Variants in COL2A1 observed in about 807,000 individuals in gnomAD.
The protein encoded by COL2A1 is collagen alpha-1(II) chain.
Under a neutral mutation model 204.5 loss-of-function variants are expected in COL2A1, and 28 were observed. The ratio of observed to expected loss-of-function variants is 0.14; its 90% CI spans 0.10 to 0.19. COL2A1 has a LOEUF of 0.19. Ranked by LOEUF, COL2A1 falls within the 10% of genes least tolerant of loss-of-function variation. COL2A1 has a pLI of 1.00. For missense variants in COL2A1, 1,388 were observed against 2,027.5 expected (o/e 0.68, Z 6.06); for synonymous variants, 708 against 718.7 (o/e 0.99, Z 0.24).
Position 47,995,931 on chromosome 12 carries a change from C to T in COL2A1, c.610-12G>A, listed in dbSNP as rs1939939730. 1 of 1,611,760 alleles carries T rather than the reference C, an allele frequency of 6.2e-7. No homozygotes were observed. The highest frequency in any genetic ancestry group is 1.7e-5 in the Admixed American group (1 of 59,992). On this transcript the variant is annotated splice_polypyrimidine_tract_variant and intron_variant, in intron 8 of 53. Coordinates refer to ENST00000380518, the MANE Select transcript of COL2A1 (RefSeq NM_001844.5). ...GGTCCCATGGGGCCCTGCATCGGAA[C>T]AGAAAATGAGGGGTTTACTACACAT...
At position 47,980,191 on chromosome 12, in the gene COL2A1, TGAAG is replaced by T; in HGVS notation, c.2626-133_2626-130del. 1 of 827,270 alleles carries T rather than the reference TGAAG, an allele frequency of 1.2e-6. No homozygotes were observed. The highest frequency in any genetic ancestry group is 2.0e-6 in the Non-Finnish European group (1 of 495,664). The allele number at this position is 827,270 out of a possible 1,614,324, so 51.2% of individuals were successfully genotyped here. A position where few individuals can be genotyped will look rare whatever the true frequency, so the allele number is the denominator to read the frequency against. On this transcript the variant is annotated intron_variant, in intron 39 of 53. Coordinates refer to ENST00000380518, the MANE Select transcript of COL2A1 (RefSeq NM_001844.5). This position sits in a 1 kb window ranked among gnomAD's most constrained non-coding sequence, Gnocchi z 4.5. ...CTTTCTTGGCACTAAAAACCCAGCC[TGAAG>T]AGGCTGCCACAGGCAGCTCTGTCCC...
intron 2 of COL2A1, 199 bp downstream of exon 2, chr12:47,999,720 G>C: frequency 1.9e-6 from 1 of 520,862 alleles, no homozygotes; most frequent in South Asian, 2.2e-5. Context: ...GGCAAAGAAG[G>C]ACCCCTCTAG....
intron 36 of COL2A1, 93 bp downstream of exon 36, chr12:47,981,683 G>T: frequency 1.5e-6 from 2 of 1,367,810 alleles, no homozygotes; most frequent in Non-Finnish European, 2.0e-6. Flanking sequence ...TGACAGTGGT[G>T]AGGGAGGACA....
At chr12:47,993,027 G>A in intron 15 of COL2A1, 96 bp from the exon 16 acceptor site, 1 of 1,172,604 alleles carries the variant, frequency 8.5e-7, no homozygotes, top group South Asian at 1.3e-5. Flanking sequence ...TACCAGAGGA[G>A]AGGGAGGATG....
At position 47,973,456 on chromosome 12, in the gene COL2A1, C is replaced by T. The variant is rs773418634; in HGVS notation, c.4415G>A (p.Gly1472Glu). The part of the protein sequence containing the change: ...IIDIAPMDIG[G>E]PEQEFGVDIG... The stretch of plus-strand genomic sequence containing the variant: ...GTCCACACCGAATTCCTGCTCGGGC[C>T]CTCCTATGTCCATGGGTGCAATGTC... Residue 1472 changes from glycine to glutamate, a missense_variant, in exon 54 of 54, where the codon GGG becomes GAG. Physicochemically the swap from Gly to Glu is moderately conservative, Grantham distance 98 (BLOSUM62 -2). Around this residue, in one of 3 missense-constraint regions of COL2A1, gnomAD observed 303 missense variants for 369.2 expected, o/e 0.82. Coordinates refer to ENST00000380518, the MANE Select transcript of COL2A1 (RefSeq NM_001844.5). 23 of 1,614,100 alleles carry T rather than the reference C, an allele frequency of 1.4e-5. No individual in the cohort carries two copies. The highest frequency in any genetic ancestry group is 1.9e-5 in the Non-Finnish European group (22 of 1,180,022).
At chr12:47,988,669 A>C (rs1458641349) in intron 18 of COL2A1, among the ~76,000 whole-genome samples, 1 of 152,194 alleles carries the variant, frequency 6.6e-6, no homozygotes, top group Non-Finnish European at 1.5e-5. Context: ...GGACGTTCAC[A>C]CTGGAATCCT....
intron 36 of COL2A1, 58 bp downstream of exon 36, chr12:47,981,718 A>G (rs1024927308): frequency 6.6e-7 from 1 of 1,513,058 alleles, no homozygotes; most frequent in African/African-American, 1.4e-5. Context: ...TTGGCAGGAG[A>G]TAAGAAGGAG....
chr12:48,001,314 T>C (rs1162099294), intron 1 of COL2A1, among the ~76,000 whole-genome samples: 1 of 152,238 alleles, frequency 6.6e-6, no homozygotes, highest in Admixed American at 6.5e-5. Context: ...AATCCAAAGA[T>C]AAACTTTCCT....
chr12:47,981,518 C>A, intron 36 of COL2A1, 122 bp from the exon 37 acceptor site: 1 of 963,070 alleles, frequency 1.0e-6, no homozygotes, highest in Non-Finnish European at 1.6e-6. Context: ...CCTGGCACAG[C>A]CTGTGTTACT....
Position 47,985,830 on chromosome 12 carries a change from C to A in COL2A1, c.1582-4G>T. 6.2e-7 allele frequency: 1 copy of A among 1,606,436 alleles called. No individual in the cohort carries two copies. Among genetic ancestry groups the A allele is most frequent in the Non-Finnish European group, 8.5e-7 (1 of 1,176,180 alleles). ...GCCCTCGCTCTCCAGGGGCTCCCTA[C>A]AAGGGTACACAGGGAGTCAGTGGGA... On this transcript the variant is annotated splice_polypyrimidine_tract_variant and splice_region_variant and intron_variant, in intron 24 of 53. Transcript: ENST00000380518.
intron 1 of COL2A1, 117 bp downstream of exon 1, chr12:48,004,120 C>A: frequency 2.6e-6 from 2 of 765,120 alleles, no homozygotes; most frequent in Non-Finnish European, 4.6e-6. Flanking sequence ...CGCGCTACGA[C>A]CCCGGGAGCC....
At position 47,983,058 on chromosome 12, in the gene COL2A1, A is replaced by T. The variant is rs41263853; in HGVS notation, c.2094+35T>A. On this transcript the variant is annotated intron_variant, in intron 32 of 53. Transcript: ENST00000380518. Reference sequence around the variant, plus strand: ...GAGCATAGGACCCAGGGCAGGCCCAAGGAGGCAGCCCGCATTGGCCAACAG... The same window carrying T: ...GAGCATAGGACCCAGGGCAGGCCCATGGAGGCAGCCCGCATTGGCCAACAG... 1.2e-5 allele frequency: 20 copies of T among 1,612,418 alleles called. No homozygotes were observed. The African/African-American group carries it at 2.7e-4, about 22-fold the overall frequency.
In COL2A1 at chr12:47,981,686, G is replaced by A. The variant is rs539892911; in HGVS notation, c.2409+90C>T. ...CTTGGCCGAGGGTGACAGTGGTGAG[G>A]GAGGACAAGACAGAACCGCCTTTGG... On this transcript the variant is annotated intron_variant, in intron 36 of 53. Coordinates refer to ENST00000380518, the MANE Select transcript of COL2A1 (RefSeq NM_001844.5). The A allele has an allele frequency of 5.0e-6, 7 of 1,386,570 alleles. No individual in the cohort carries two copies. The East Asian group carries it at 1.7e-4, about 35-fold the overall frequency. The allele number at this position is 1,386,570 out of a possible 1,614,324, so 85.9% of individuals were successfully genotyped here.
intron 23 of COL2A1, 80 bp from the exon 24 acceptor site, chr12:47,986,045 C>T (rs1199923441): frequency 1.4e-5 from 19 of 1,312,578 alleles, no homozygotes; most frequent in East Asian, 2.5e-5. Flanking sequence ...ATCCCACTAA[C>T]CCACCAACCC....
rs41263867 is a variant in COL2A1, at chr12:47,980,752, G to C, written c.2518-91C>G. On this transcript the variant is annotated intron_variant, in intron 38 of 53. Coordinates refer to ENST00000380518, the MANE Select transcript of COL2A1 (RefSeq NM_001844.5). The surrounding 1 kb of genome is among the most constrained non-coding windows in gnomAD (Gnocchi z 4.5). ...AGCAGGAGACTCTGTGAGTATCTGC[G>C]TGTGTGTCCTGGTCTGGACATGATG... The C allele has an allele frequency of 1.4e-6, 2 of 1,418,328 alleles. No individual in the cohort carries two copies. The highest frequency in any genetic ancestry group is 1.2e-5 in the South Asian group (1 of 81,762). The allele number at this position is 1,418,328 out of a possible 1,614,324, so 87.9% of individuals were successfully genotyped here. A position where few individuals can be genotyped will look rare whatever the true frequency, so the allele number is the denominator to read the frequency against.
Position 48,004,241 on chromosome 12 carries a change from A to G in COL2A1, c.81T>C (p.Asp27=). The G allele has an allele frequency of 6.5e-7, 1 of 1,548,484 alleles. No individual in the cohort carries two copies. The highest frequency in any genetic ancestry group is 8.7e-7 in the Non-Finnish European group (1 of 1,144,810). ...CAGGGGCGGGGGAAGACTTACGGACATCCTGGCCCTGACACCGAAGGACAG... is the reference window on the plus strand; with the variant it reads ...CAGGGGCGGGGGAAGACTTACGGACGTCCTGGCCCTGACACCGAAGGACAG... ...VAAVLRCQGQ[D]VQEAGSCVQD... is the part of the protein sequence containing the mutation. The change falls in exon 1 of 54, where the codon GAT becomes GAC. Residue 27 remains aspartate, a synonymous_variant. Coordinates refer to ENST00000380518, the MANE Select transcript of COL2A1 (RefSeq NM_001844.5).
Position 47,982,170 on chromosome 12 carries a change from G to C in COL2A1, c.2302-10C>G, listed in dbSNP as rs201655768. On this transcript the variant is annotated splice_polypyrimidine_tract_variant and intron_variant, in intron 34 of 53. Coordinates refer to ENST00000380518, the MANE Select transcript of COL2A1 (RefSeq NM_001844.5). ...TCTCACCAACGTCACCCTGAGGGAAGAGAAAACCAGCCGCCTCAGCCAGGC... is the reference window on the plus strand; with the variant it reads ...TCTCACCAACGTCACCCTGAGGGAACAGAAAACCAGCCGCCTCAGCCAGGC... 4 of 1,613,360 alleles carry C rather than the reference G, an allele frequency of 2.5e-6. No homozygotes were observed. The highest frequency in any genetic ancestry group is 2.5e-6 in the Non-Finnish European group (3 of 1,179,394).
chr12:47,988,691 G>A (rs1243553164), intron 18 of COL2A1, among the ~76,000 whole-genome samples: 3 of 152,222 alleles, frequency 2.0e-5, no homozygotes, highest in Non-Finnish European at 4.4e-5. Context: ...CCTGGGCTGC[G>A]AGGCCTGTCC....
chr12:47,985,719 G>T lies in COL2A1; in HGVS notation c.1680+9C>A, dbSNP rs371857655. ...TGAAGCCAAGGGCAACAGCAGCTCT[G>T]CTACTTACCCGGGCTCCAGGAAGGC... is the stretch of plus-strand genomic sequence containing the variant. On this transcript the variant is annotated intron_variant, in intron 25 of 53. Coordinates refer to ENST00000380518, the MANE Select transcript of COL2A1 (RefSeq NM_001844.5). The T allele has an allele frequency of 4.6e-5, 74 of 1,613,674 alleles. No individual in the cohort carries two copies. The highest frequency in any genetic ancestry group is 1.6e-4 in the Middle Eastern group (1 of 6,062).
Sources: allele counts gnomAD v4.1 joint callset (sites outside exome capture counted in the v4.1 genomes callset), GRCh38; gene constraint gnomAD v4.1.1; regional missense constraint gnomAD v4.1.1; non-coding constraint Gnocchi (gnomAD v3.1); transcripts MANE v1.5; gene names NCBI Gene and HGNC (gene_info 2026-07-23, HGNC 2026-07-21).